Variants in MAP3K4 observed in about 807,000 individuals in gnomAD.
The protein encoded by MAP3K4 is MAP three kinase 1.
A neutral mutation model predicts 185.6 loss-of-function variants in MAP3K4; 67 were observed. That is an observed-to-expected ratio of 0.36 (90% CI 0.30 to 0.44). MAP3K4 has a LOEUF of 0.44. MAP3K4 is among the 20% of genes least tolerant of loss of function. The probability of loss-of-function intolerance (pLI) is 1.00; values close to 1 mark genes in which losing one functional copy is unlikely to be tolerated. For missense variants in MAP3K4, 1,551 were observed against 1,995.1 expected, an observed-to-expected ratio of 0.78 and a Z score of 4.24; for synonymous variants, 702 against 710.4, an observed-to-expected ratio of 0.99 and a Z score of 0.19.
In MAP3K4 at chr6:161,112,007, C is replaced by T. The variant is rs1421968409; in HGVS notation, c.4519+49C>T. 13 of 1,604,554 alleles carry T rather than the reference C, an allele frequency of 8.1e-6. No individual in the cohort carries two copies. Among genetic ancestry groups the T allele is most frequent in the Non-Finnish European group, 1.1e-5 (13 of 1,174,958 alleles). Reference sequence around the variant, plus strand: ...TTGCACTCTGACTTCATGCAGCCTGCTTGGGGCCTGCATGTTCCCTTCACC... The same window carrying T: ...TTGCACTCTGACTTCATGCAGCCTGTTTGGGGCCTGCATGTTCCCTTCACC... On this transcript the variant is annotated intron_variant, in intron 24 of 26. Transcript: ENST00000392142. This position sits in a 1 kb window ranked among gnomAD's most constrained non-coding sequence, Gnocchi z 5.1.
At position 161,088,020 on chromosome 6, in the gene MAP3K4, G is replaced by T; in HGVS notation, c.2823+66G>T. The T allele has an allele frequency of 6.6e-7, 1 of 1,509,014 alleles. No homozygotes were observed. Among genetic ancestry groups the T allele is most frequent in the African/African-American group, 1.4e-5 (1 of 71,068 alleles). The allele number at this position is 1,509,014 out of a possible 1,614,324, so 93.5% of individuals were successfully genotyped here. A position where few individuals can be genotyped will look rare whatever the true frequency, so the allele number is the denominator to read the frequency against. ...GACTTTTAGTAAGAATGAACTGTTA[G>T]CTGCTCATGAATGAGGGGTTTGACT... On this transcript the variant is annotated intron_variant, in intron 10 of 26. Coordinates refer to ENST00000392142, the MANE Select transcript of MAP3K4 (RefSeq NM_005922.4). The surrounding 1 kb of genome is among the most constrained non-coding windows in gnomAD (Gnocchi z 4.5).
Position 161,075,791 on chromosome 6 carries a change from TACTGTC to T in MAP3K4, c.2097+2181_2097+2186del, listed in dbSNP as rs1785147566. 6.6e-6 allele frequency among the ~76,000 whole-genome samples: 1 copy of T among 152,214 alleles called. No individual in the cohort carries two copies. The highest frequency in any genetic ancestry group is 1.5e-5 in the Non-Finnish European group (1 of 68,042). ...AAGGCTTAGAGTTTAGTTTTGGCAT[TACTGTC>T]AATTATCCACATCTCTCTTCTTACA... On this transcript the variant is annotated intron_variant, in intron 5 of 26. Transcript: ENST00000392142. This position sits in a 1 kb window ranked among gnomAD's most constrained non-coding sequence, Gnocchi z 4.3.
Position 161,073,313 on chromosome 6 carries a change from A to G in MAP3K4, c.1951-153A>G, listed in dbSNP as rs1416737033. 1 of 608,776 alleles carries G rather than the reference A, an allele frequency of 1.6e-6. No homozygotes were observed. Among genetic ancestry groups the G allele is most frequent in the African/African-American group, 1.9e-5 (1 of 52,580 alleles). The allele number at this position is 608,776 out of a possible 1,614,324, so 37.7% of individuals were successfully genotyped here. A position where few individuals can be genotyped will look rare whatever the true frequency, so the allele number is the denominator to read the frequency against. ...ATTGAGACTACTAAGGTATTTACATAAAATGAACTGATCAAGAATCTAGAA... is the reference window on the plus strand; with the variant it reads ...ATTGAGACTACTAAGGTATTTACATGAAATGAACTGATCAAGAATCTAGAA... On this transcript the variant is annotated intron_variant, in intron 4 of 26. Coordinates refer to ENST00000392142, the MANE Select transcript of MAP3K4 (RefSeq NM_005922.4). This position sits in a 1 kb window ranked among gnomAD's most constrained non-coding sequence, Gnocchi z 4.2.
At chr6:161,090,104 C>T (rs776581351) in intron 11 of MAP3K4, among the ~76,000 whole-genome samples, 1 of 152,222 alleles carries the variant, frequency 6.6e-6, no homozygotes, top group African/African-American at 2.4e-5. Flanking sequence ...AAGAAACATT[C>T]TCTGAAGTTA....
At position 161,109,899 on chromosome 6, in the gene MAP3K4, C is replaced by T; in HGVS notation, c.4381C>T (p.His1461Tyr). Residue 1461 changes from histidine (H) to tyrosine (Y), a missense_variant, in exon 23 of 27, where the codon CAC becomes TAC. This residue lies in a region of MAP3K4 where 159 missense variants were observed against 300.5 expected (regional missense o/e 0.53). Transcript: ENST00000392142. The surrounding 1 kb of genome is among the most constrained non-coding windows in gnomAD (Gnocchi z 5.7). ...CGTCCTCCATGAGCATGGCATAGTC[C>T]ACCGTGACATTAAAGGTAATCCCAC... ...INVLHEHGIVHRDIKGANIFL... is the reference protein window; with the variant it reads ...INVLHEHGIVYRDIKGANIFL... The T allele has an allele frequency of 1.2e-6, 2 of 1,614,004 alleles. No individual in the cohort carries two copies. The highest frequency in any genetic ancestry group is 8.5e-7 in the Non-Finnish European group (1 of 1,180,004).
In MAP3K4 at chr6:161,109,426, T is replaced by C. The variant is rs1778248063; in HGVS notation, c.4237-329T>C. The stretch of plus-strand genomic sequence containing the variant: ...GGATGTGTTTCAGTACTTAATAATG[T>C]ATTTGTAGGGACAGCCCTGTTGGTC... On this transcript the variant is annotated intron_variant, in intron 22 of 26. Coordinates refer to ENST00000392142, the MANE Select transcript of MAP3K4 (RefSeq NM_005922.4). This position sits in a 1 kb window ranked among gnomAD's most constrained non-coding sequence, Gnocchi z 5.7. Among the ~76,000 whole-genome samples the C allele has an allele frequency of 1.3e-5, 2 of 152,324 alleles. No individual in the cohort carries two copies. Among genetic ancestry groups the C allele is most frequent in the Admixed American group, 1.3e-4 (2 of 15,304 alleles).
chr6:161,036,077 A>G (rs1430355067), intron 2 of MAP3K4, among the ~76,000 whole-genome samples: 5 of 152,204 alleles, frequency 3.3e-5, no homozygotes, highest in Non-Finnish European at 7.3e-5. Flanking sequence ...GTCTTTCACT[A>G]ATCAGTGAGA....
chr6:161,102,116 A>G (rs1258335292), intron 18 of MAP3K4, 124 bp downstream of exon 18: 1 of 711,782 alleles, frequency 1.4e-6, no homozygotes, highest in African/African-American at 1.8e-5. Flanking sequence ...GTCCTTTCTA[A>G]AGGAATGAAG....
intron 5 of MAP3K4, among the ~76,000 whole-genome samples, chr6:161,078,472 GT>G (rs1434332810): frequency 6.6e-5 from 10 of 152,236 alleles, no homozygotes; most frequent in Non-Finnish European, 1.5e-4. Context: ...GGGGTTGTGA[GT>G]TGCAGAAAGA....
At position 161,034,501 on chromosome 6, in the gene MAP3K4, T is replaced by A; in HGVS notation, c.343+52T>A. 1 of 1,395,188 alleles carries A rather than the reference T, an allele frequency of 7.2e-7. No individual in the cohort carries two copies. Among genetic ancestry groups the A allele is most frequent in the Non-Finnish European group, 9.9e-7 (1 of 1,013,906 alleles). The allele number at this position is 1,395,188 out of a possible 1,614,324, so 86.4% of individuals were successfully genotyped here. The stretch of plus-strand genomic sequence containing the variant: ...TACATGAGAGGGTATGGCACTTGAT[T>A]GATTCTTTCAACAATAAAGTTAGCA... On this transcript the variant is annotated intron_variant, in intron 2 of 26. Coordinates refer to ENST00000392142, the MANE Select transcript of MAP3K4 (RefSeq NM_005922.4). This position sits in a 1 kb window ranked among gnomAD's most constrained non-coding sequence, Gnocchi z 4.4.
At chr6:161,024,313 T>C (rs534406484) in intron 1 of MAP3K4, among the ~76,000 whole-genome samples, 1 of 152,278 alleles carries the variant, frequency 6.6e-6, no homozygotes, top group East Asian at 1.9e-4. Flanking sequence ...AGATAGTACA[T>C]AGAATTCCCC....
chr6:161,002,257 A>C (rs1046571611), intron 1 of MAP3K4, among the ~76,000 whole-genome samples: 7 of 152,064 alleles, frequency 4.6e-5, no homozygotes, highest in Non-Finnish European at 1.0e-4. Flanking sequence ...TTTCTGTGGA[A>C]ATTCTTTTTA....
chr6:161,062,930 A>G (rs1219540478), intron 3 of MAP3K4, among the ~76,000 whole-genome samples: 1 of 151,768 alleles, frequency 6.6e-6, no homozygotes, highest in Admixed American at 6.6e-5. Context: ...ACAGTTTCAC[A>G]TTTTTGCTTC....
intron 1 of MAP3K4, among the ~76,000 whole-genome samples, chr6:161,014,314 G>C (rs1402839407): frequency 6.6e-6 from 1 of 152,148 alleles, no homozygotes; most frequent in African/African-American, 2.4e-5. Flanking sequence ...CCTGGGAATG[G>C]TATTTGAATG....
Position 161,073,560 on chromosome 6 carries a change from A to AGTT in MAP3K4, c.2046_2047insTTG (p.Lys682_Pro683insLeu). ...CAGGAGGTTCTGGAGGACTTGGAGA[A>AGTT]GCCCGACTGCAACATTGACGCTTTT... On this transcript the variant is annotated inframe_insertion, in exon 5 of 27. Coordinates refer to ENST00000392142, the MANE Select transcript of MAP3K4 (RefSeq NM_005922.4). The surrounding 1 kb of genome is among the most constrained non-coding windows in gnomAD (Gnocchi z 4.2). 6.2e-7 allele frequency: 1 copy of AGTT among 1,614,090 alleles called. No homozygotes were observed. Among genetic ancestry groups the AGTT allele is most frequent in the Middle Eastern group, 1.7e-4 (1 of 6,060 alleles).
chr6:161,108,882 CTT>C lies in MAP3K4; in HGVS notation c.4236+25_4236+26del. The stretch of plus-strand genomic sequence containing the variant: ...AGAGTAAGCCGACCCTAATGCCACT[CTT>C]TGTGTGAGGAATCAGTGAGGGCACA... On this transcript the variant is annotated intron_variant, in intron 22 of 26. Transcript: ENST00000392142. This position sits in a 1 kb window ranked among gnomAD's most constrained non-coding sequence, Gnocchi z 5.7. The C allele has an allele frequency of 6.2e-6, 10 of 1,600,080 alleles. No individual in the cohort carries two copies. The highest frequency in any genetic ancestry group is 8.6e-6 in the Non-Finnish European group (10 of 1,167,206).
rs372026847 is a variant in MAP3K4, at chr6:161,008,031, A to G, written c.152+15948A>G. 9.2e-5 allele frequency among the ~76,000 whole-genome samples: 14 copies of G among 152,238 alleles called. No individual in the cohort carries two copies. The highest frequency in any genetic ancestry group is 3.4e-4 in the African/African-American group (14 of 41,476). ...TGGTAAGGCATAGCTATTGTCTTCT[A>G]TAAAATTCTGGTAAACCCATAAAGA... On this transcript the variant is annotated intron_variant, in intron 1 of 26. Coordinates refer to ENST00000392142, the MANE Select transcript of MAP3K4 (RefSeq NM_005922.4). This position sits in a 1 kb window ranked among gnomAD's most constrained non-coding sequence, Gnocchi z 4.1.
chr6:161,079,798 T>C (rs1390941717), intron 5 of MAP3K4, among the ~76,000 whole-genome samples: 1 of 152,092 alleles, frequency 6.6e-6, no homozygotes. Flanking sequence ...ACCACACACC[T>C]GGAGGATGGA....
chr6:161,047,806 A>T (rs141343953), intron 2 of MAP3K4, among the ~76,000 whole-genome samples: 1 of 152,248 alleles, frequency 6.6e-6, no homozygotes, highest in Non-Finnish European at 1.5e-5. Context: ...AGTGCCATAC[A>T]GGATGTATGT....
Sources: allele counts gnomAD v4.1 joint callset (sites outside exome capture counted in the v4.1 genomes callset), GRCh38; gene constraint gnomAD v4.1.1; regional missense constraint gnomAD v4.1.1; non-coding constraint Gnocchi (gnomAD v3.1); transcripts MANE v1.5; gene names NCBI Gene and HGNC (gene_info 2026-07-23, HGNC 2026-07-21).